Variants in USH2A observed in about 807,000 individuals in gnomAD.
USH2A encodes the protein usherin.
In USH2A, 443 loss-of-function variants were observed where a neutral mutation model predicts 538.9. That is an observed-to-expected ratio of 0.82 (90% confidence interval 0.76 to 0.89). The LOEUF (loss-of-function observed/expected upper bound fraction) is 0.89, where lower values mean the gene tolerates loss of function less well. Ranked by LOEUF, USH2A falls within the 40% of genes least tolerant of loss-of-function variation. The probability of loss-of-function intolerance (pLI) is 0.00; values close to 1 mark genes in which losing one functional copy is unlikely to be tolerated. For synonymous variants in USH2A, 2,413 were observed against 2,273.5 expected (o/e 1.06, Z -1.75); for missense variants, 6,633 against 6,324.8 (o/e 1.05, Z -1.65).
chr1:215,982,652 C>A (rs1667776947), intron 35 of USH2A, among the ~76,000 whole-genome samples: 1 of 152,106 alleles, frequency 6.6e-6, no homozygotes, highest in South Asian at 2.1e-4. Context: ...GATTTGGTTT[C>A]TGGTAGTCAT....
At chr1:216,279,415 G>A (rs376955101) in intron 11 of USH2A, among the ~76,000 whole-genome samples, 1 of 152,084 alleles carries the variant, frequency 6.6e-6, no homozygotes, top group Non-Finnish European at 1.5e-5. Context: ...ACATGTGCTC[G>A]TGAGTACACA....
At chr1:215,722,982 T>C (rs1659706500) in intron 61 of USH2A, among the ~76,000 whole-genome samples, 1 of 151,948 alleles carries the variant, frequency 6.6e-6, no homozygotes, top group Non-Finnish European at 1.5e-5. Flanking sequence ...TTGCCAGGAG[T>C]GTTCCCTGTA....
chr1:215,807,751 G>C (rs1662543744), intron 49 of USH2A, among the ~76,000 whole-genome samples: 1 of 151,944 alleles, frequency 6.6e-6, no homozygotes, highest in Non-Finnish European at 1.5e-5. Context: ...TTGGGAACTG[G>C]CTATCCCTTT....
intron 35 of USH2A, among the ~76,000 whole-genome samples, chr1:215,981,486 A>G (rs1437534512): frequency 6.6e-6 from 1 of 152,154 alleles, no homozygotes; most frequent in Non-Finnish European, 1.5e-5. Flanking sequence ...ATATTAAAAT[A>G]GGCACATCAG....
At chr1:215,702,527 C>CT (rs1405144043) in intron 61 of USH2A, among the ~76,000 whole-genome samples, 1 of 151,808 alleles carries the variant, frequency 6.6e-6, no homozygotes, top group African/African-American at 2.4e-5. Flanking sequence ...CCTTTTCATT[C>CT]TTTTTTCTCT....
chr1:216,083,092 T>A (rs1454622633), intron 26 of USH2A, among the ~76,000 whole-genome samples: 1 of 151,996 alleles, frequency 6.6e-6, no homozygotes, highest in Non-Finnish European at 1.5e-5. Flanking sequence ...TTATTATACT[T>A]GATTATCTAT....
intron 47 of USH2A, among the ~76,000 whole-genome samples, chr1:215,837,377 C>G (rs932265212): frequency 6.6e-6 from 1 of 152,044 alleles, no homozygotes; most frequent in African/African-American, 2.4e-5. Context: ...TTGATACAAA[C>G]GGATGAACAA....
intron 49 of USH2A, among the ~76,000 whole-genome samples, chr1:215,804,301 A>G (rs1243481549): frequency 1.3e-5 from 2 of 152,038 alleles, no homozygotes; most frequent in African/African-American, 2.4e-5. Context: ...AATTAAACTC[A>G]AGAGCTTCTG....
rs189670361 is a variant in USH2A at position 215,809,470 on chromosome 1, T to C, written c.9739+4266A>G. The stretch of plus-strand genomic sequence containing the variant: ...AGAAAAGTCTTCAAAAAAAAAAAGA[T>C]GTGGATTATATCAATAAAAAATAAA... On this transcript the variant is annotated intron_variant, in intron 49 of 71. Transcript: ENST00000307340. Among the ~76,000 whole-genome samples the C allele has an allele frequency of 1.5e-3, 225 of 150,286 alleles. 1 individual carries two copies. Among genetic ancestry groups the C allele is most frequent in the African/African-American group, 5.1e-3 (211 of 41,080 alleles).
intron 19 of USH2A, among the ~76,000 whole-genome samples, chr1:216,192,022 C>A (rs2034726251): frequency 6.6e-6 from 1 of 152,006 alleles, no homozygotes; most frequent in Admixed American, 6.6e-5. Context: ...TAGACTTTGT[C>A]TTTATCATGT....
intron 4 of USH2A, among the ~76,000 whole-genome samples, chr1:216,347,413 T>C (rs757832845): frequency 6.6e-6 from 1 of 152,116 alleles, no homozygotes; most frequent in Non-Finnish European, 1.5e-5. Flanking sequence ...CTTTAATATT[T>C]GACAAGCTTT....
At chr1:216,122,853 A>G (rs1297989321) in intron 21 of USH2A, among the ~76,000 whole-genome samples, 1 of 152,202 alleles carries the variant, frequency 6.6e-6, no homozygotes, top group Non-Finnish European at 1.5e-5. Flanking sequence ...TCCTATTGCT[A>G]TACAATTAAA....
rs567356824 is a variant in USH2A, at chr1:215,780,019, C to G, written c.10763G>C (p.Gly3588Ala). 6.0e-5 allele frequency: 97 copies of G among 1,613,978 alleles called. No individual in the cohort carries two copies. Among genetic ancestry groups the G allele is most frequent in the Non-Finnish European group, 8.1e-5 (95 of 1,180,028 alleles). Residue 3588 changes from glycine to alanine, a missense_variant, in exon 55 of 72, where the codon GGA becomes GCA. Transcript: ENST00000307340. ...SSKVVAATTQ[G>A]VPESILPPSI... ...TGGTGGCAGGATGCTCTCCGGAACT[C>G]CTTGGGTAGTAGCTGCAACTACCTG...
At chr1:215,905,515 C>A (rs1200704711) in intron 38 of USH2A, among the ~76,000 whole-genome samples, 2 of 151,950 alleles carry the variant, frequency 1.3e-5, no homozygotes, top group African/African-American at 2.4e-5. Context: ...ACAGATTAGA[C>A]CTGACTCAAA....
At position 215,738,027 on chromosome 1, in the gene USH2A, G is replaced by A. The variant is rs574698219; in HGVS notation, c.11711+3348C>T. On this transcript the variant is annotated intron_variant, in intron 60 of 71. Transcript: ENST00000307340. Reference sequence around the variant, plus strand: ...TCAAATCTTTTTATTTATTTAAAGAGAAAGCTCATGAGAATAATAAACCCC... The same window carrying A: ...TCAAATCTTTTTATTTATTTAAAGAAAAAGCTCATGAGAATAATAAACCCC... Among the ~76,000 whole-genome samples the A allele has an allele frequency of 9.2e-5, 14 of 152,096 alleles. No individual in the cohort carries two copies. In the South Asian group the frequency reaches 2.3e-3, roughly 25 times the overall value.
At chr1:216,326,887 T>C (rs2037742066) in intron 5 of USH2A, among the ~76,000 whole-genome samples, 1 of 152,172 alleles carries the variant, frequency 6.6e-6, no homozygotes, top group Non-Finnish European at 1.5e-5. Flanking sequence ...AACTCATCCA[T>C]ACAACAATAT....
intron 20 of USH2A, among the ~76,000 whole-genome samples, chr1:216,183,957 G>A (rs772185583): frequency 6.6e-6 from 1 of 151,944 alleles, no homozygotes; most frequent in Non-Finnish European, 1.5e-5. Context: ...TGACATGTTG[G>A]TTACAAGTGT....
chr1:216,127,804 T>G (rs2033285712), intron 21 of USH2A, among the ~76,000 whole-genome samples: 1 of 152,190 alleles, frequency 6.6e-6, no homozygotes, highest in African/African-American at 2.4e-5. Flanking sequence ...TTATTAATTT[T>G]GCTTTTATTT....
rs1308924086 is a variant in USH2A, at chr1:215,782,886, C to T, written c.10437G>A (p.Trp3479Ter). The T allele has an allele frequency of 1.2e-6, 2 of 1,613,686 alleles. No individual in the cohort carries two copies. Among genetic ancestry groups the T allele is most frequent in the African/African-American group, 1.3e-5 (1 of 74,978 alleles). The change falls in exon 53 of 72, where the codon TGG becomes TGA. Residue 3479 changes from tryptophan to a stop codon, truncating the protein, a stop_gained. Coordinates refer to ENST00000307340, the MANE Select transcript of USH2A (RefSeq NM_206933.4). LOFTEE classifies it high-confidence loss of function. ...YMTYEYRISAWNSYGRGLSKA... is the reference protein window; with the variant it reads ...YMTYEYRISA ...TGCTGAGTCCTCGCCCATAGCTGTT[C>T]CAGGCAGAAATCCTGTACTCATATG...
Sources: allele counts gnomAD v4.1 joint callset (sites outside exome capture counted in the v4.1 genomes callset), GRCh38; gene constraint gnomAD v4.1.1; transcripts MANE v1.5; gene names NCBI Gene and HGNC (gene_info 2026-07-23, HGNC 2026-07-21).